Variants in NFASC observed in about 807,000 individuals in gnomAD.
NFASC encodes the protein neurofascin.
Under a neutral mutation model 147.5 loss-of-function variants are expected in NFASC, and 43 were observed. That is an observed-to-expected ratio of 0.29 (90% confidence interval 0.23 to 0.38). The LOEUF is 0.38. Among genes scored for constraint, NFASC ranks in the 10% least tolerant of loss-of-function variants. The probability of loss-of-function intolerance (pLI) is 1.00; values close to 1 mark genes in which losing one functional copy is unlikely to be tolerated. For missense variants in NFASC, 1,320 were observed against 1,689.0 expected, an observed-to-expected ratio of 0.78 and a Z score of 3.83; for synonymous variants, 622 against 665.5, an observed-to-expected ratio of 0.93 and a Z score of 1.01.
At chr1:204,946,583 C>T (rs1235711127) in intron 3 of NFASC, 4 of 456,040 alleles carry the variant, frequency 8.8e-6, no homozygotes, top group South Asian at 1.5e-5. Flanking sequence ...CAGTGGCCAC[C>T]GAAGATGACA....
rs73069106 is a variant in NFASC, at chr1:204,966,519, G to A, written c.707-1730G>A. Reference sequence around the variant, plus strand: ...GTGTCTTGGTTGTTTTGGTGATTCCGTGATGGTGGGTGGGAGGAAGCTGTT... The same window carrying A: ...GTGTCTTGGTTGTTTTGGTGATTCCATGATGGTGGGTGGGAGGAAGCTGTT... On this transcript the variant is annotated intron_variant, in intron 8 of 29. Coordinates refer to ENST00000339876, the MANE Select transcript of NFASC (RefSeq NM_001005388.3). Among the ~76,000 whole-genome samples, 1,481 of 152,216 alleles carry A rather than the reference G, an allele frequency of 9.7e-3. 12 individuals carry two copies. Among genetic ancestry groups the A allele is most frequent in the African/African-American group, 0.034 (1,398 of 41,508 alleles).
chr1:204,983,601 C>T (rs2095549744), intron 21 of NFASC, among the ~76,000 whole-genome samples: 1 of 152,166 alleles, frequency 6.6e-6, no homozygotes, highest in African/African-American at 2.4e-5. Context: ...GATACCCACC[C>T]TTCCTCTTCT....
At position 205,018,159 on chromosome 1, in the gene NFASC, G is replaced by A. The variant is rs996101997; in HGVS notation, c.*1620G>A. 4 of 152,674 alleles carry A rather than the reference G, an allele frequency of 2.6e-5. No individual in the cohort carries two copies. Among genetic ancestry groups the A allele is most frequent in the African/African-American group, 9.6e-5 (4 of 41,464 alleles). The allele number at this position is 152,674 out of a possible 1,614,324, so 9.5% of individuals were successfully genotyped here. A position where few individuals can be genotyped will look rare whatever the true frequency, so the allele number is the denominator to read the frequency against. ...TCAGAGACAGAGAAGGAGAGGGGGA[G>A]ATCTTGAGTCTAAGAGGAACCCTTT... On this transcript the variant is annotated 3_prime_UTR_variant, in exon 30 of 30. Transcript: ENST00000339876.
chr1:204,950,975 G>T (rs1430784221), intron 4 of NFASC, among the ~76,000 whole-genome samples: 1 of 152,040 alleles, frequency 6.6e-6, no homozygotes, highest in African/African-American at 2.4e-5. Flanking sequence ...AGCCTCCAGG[G>T]CTCAGAACCA....
chr1:204,864,572 A>G (rs1443368040), intron 1 of NFASC, among the ~76,000 whole-genome samples: 1 of 152,190 alleles, frequency 6.6e-6, no homozygotes, highest in Non-Finnish European at 1.5e-5. Context: ...TACACATCCT[A>G]TAGTAGGTGT....
At chr1:204,957,034 T>G (rs920863354) in intron 7 of NFASC, among the ~76,000 whole-genome samples, 1 of 152,248 alleles carries the variant, frequency 6.6e-6, no homozygotes, top group Non-Finnish European at 1.5e-5. Flanking sequence ...AAACTGATGA[T>G]GTACATCATT....
chr1:204,985,540 C>G (rs779826076), intron 21 of NFASC, among the ~76,000 whole-genome samples: 2 of 152,138 alleles, frequency 1.3e-5, no homozygotes, highest in Non-Finnish European at 1.5e-5. Flanking sequence ...ATGCCTGGAC[C>G]CTTGGCTCAC....
chr1:204,848,464 G>T (rs991964229), intron 1 of NFASC, among the ~76,000 whole-genome samples: 10 of 152,056 alleles, frequency 6.6e-5, no homozygotes, highest in Admixed American at 2.0e-4. Context: ...GGGTTCAAGC[G>T]AACCTCCTGC....
chr1:205,019,077 G>A lies in NFASC; in HGVS notation c.*2538G>A, dbSNP rs1338468795. The A allele has an allele frequency of 6.6e-6, 1 of 152,236 alleles. No homozygotes were observed. Among genetic ancestry groups the A allele is most frequent in the Non-Finnish European group, 1.5e-5 (1 of 68,078 alleles). The allele number at this position is 152,236 out of a possible 1,614,324, so 9.4% of individuals were successfully genotyped here. On this transcript the variant is annotated 3_prime_UTR_variant, in exon 30 of 30. Transcript: ENST00000339876. ...CGCCATCACACCCCTCTGAGCAGAAGCAAATCTGAGGCTGAAGAATTAAGT... is the reference window on the plus strand; with the variant it reads ...CGCCATCACACCCCTCTGAGCAGAAACAAATCTGAGGCTGAAGAATTAAGT...
At chr1:204,947,861 C>T (rs1165996399) in intron 3 of NFASC, among the ~76,000 whole-genome samples, 1 of 152,112 alleles carries the variant, frequency 6.6e-6, no homozygotes, top group African/African-American at 2.4e-5. Context: ...CACTCTCACA[C>T]ATACATGCAC....
chr1:204,952,552 G>T (rs1020559748), intron 5 of NFASC, among the ~76,000 whole-genome samples: 1 of 152,182 alleles, frequency 6.6e-6, no homozygotes, highest in Non-Finnish European at 1.5e-5. Context: ...GTGTGTCCGG[G>T]CTCTGTGTTA....
intron 1 of NFASC, among the ~76,000 whole-genome samples, chr1:204,868,087 C>G (rs924576072): frequency 1.3e-5 from 2 of 152,238 alleles, no homozygotes; most frequent in Non-Finnish European, 2.9e-5. Context: ...CGTTCACTTT[C>G]CACGCTGGGA....
At chr1:204,888,080 C>T (rs574957146) in intron 1 of NFASC, among the ~76,000 whole-genome samples, 4 of 152,322 alleles carry the variant, frequency 2.6e-5, no homozygotes, top group Non-Finnish European at 5.9e-5. Flanking sequence ...CCGGAGGCTG[C>T]AAATGGTCTC....
At chr1:204,997,929 C>T (rs2095881837) in intron 25 of NFASC, 1 of 162,860 alleles carries the variant, frequency 6.1e-6, no homozygotes, top group Non-Finnish European at 1.3e-5. Context: ...CCCAGAACCC[C>T]TGTCCCTTCC....
At chr1:204,990,536 C>G (rs1473733706) in intron 23 of NFASC, 1 of 83,218 alleles carries the variant, frequency 1.2e-5, no homozygotes, top group African/African-American at 4.7e-5. Context: ...GCAGAAAATT[C>G]AAGAATTTCA....
chr1:204,877,027 TA>T (rs1379239232), intron 1 of NFASC, among the ~76,000 whole-genome samples: 2,175 of 84,662 alleles, frequency 0.026, 130 homozygotes, highest in East Asian at 0.14. Context: ...TATATATATA[TA>T]ATATATATTT....
intron 1 of NFASC, among the ~76,000 whole-genome samples, chr1:204,867,876 GCT>G (rs1297952029): frequency 3.3e-5 from 5 of 152,266 alleles, no homozygotes; most frequent in African/African-American, 1.2e-4. Flanking sequence ...CTCCTCCAAG[GCT>G]CTCTTCTAAA....
intron 2 of NFASC, among the ~76,000 whole-genome samples, chr1:204,922,529 G>A (rs2090696137): frequency 6.6e-6 from 1 of 152,192 alleles, no homozygotes; most frequent in African/African-American, 2.4e-5. Context: ...AGTGATATGA[G>A]CAAGGCTGCT....
intron 1 of NFASC, among the ~76,000 whole-genome samples, chr1:204,880,312 A>C (rs1307299407): frequency 6.6e-6 from 1 of 152,090 alleles, no homozygotes; most frequent in African/African-American, 2.4e-5. Context: ...AGCAATTGGC[A>C]TTTTAATGTA....
Sources: gnomAD v4.1 joint callset for allele counts (sites outside exome capture counted in the v4.1 genomes callset) on GRCh38, gnomAD v4.1.1 for gene constraint, MANE v1.5 for transcripts, NCBI Gene and HGNC (gene_info 2026-07-23, HGNC 2026-07-21) for gene names.